ANKRD31: variants seen among roughly 807,000 people sequenced by gnomAD.
ANKRD31 encodes ankyrin repeat domain-containing protein 31.
In ANKRD31, 147 loss-of-function variants were observed where a neutral mutation model predicts 186.0. That is an observed-to-expected ratio of 0.79 (90% confidence interval 0.69 to 0.91). The LOEUF (loss-of-function observed/expected upper bound fraction) is 0.91, where lower values mean the gene tolerates loss of function less well. ANKRD31 is among the 40% of genes least tolerant of loss of function. ANKRD31 has a pLI of 0.00. For missense variants in ANKRD31, 1,986 were observed against 2,148.8 expected, an observed-to-expected ratio of 0.92 and a Z score of 1.50; for synonymous variants, 673 against 736.4, an observed-to-expected ratio of 0.91 and a Z score of 1.39.
intron 22 of ANKRD31, among the ~76,000 whole-genome samples, chr5:75,100,247 T>G (rs1746728184): frequency 6.6e-6 from 1 of 152,234 alleles, no homozygotes; most frequent in Non-Finnish European, 1.5e-5. Flanking sequence ...GTGAGTTTCT[T>G]AATCCTGAGT....
intron 2 of ANKRD31, among the ~76,000 whole-genome samples, chr5:75,227,633 C>T (rs1196296701): frequency 1.3e-5 from 2 of 152,138 alleles, no homozygotes; most frequent in East Asian, 3.9e-4. Context: ...GAAATACATT[C>T]TCAACTAGAA....
At chr5:75,101,771 C>G (rs191346447) in intron 22 of ANKRD31, among the ~76,000 whole-genome samples, 9 of 152,206 alleles carry the variant, frequency 5.9e-5, no homozygotes, top group African/African-American at 1.9e-4. Flanking sequence ...TGGTTTTCAG[C>G]TCCATCAGGT....
Position 75,075,505 on chromosome 5 carries a change from T to G in ANKRD31, c.5647+5063A>C, listed in dbSNP as rs531004941. On this transcript the variant is annotated intron_variant, in intron 25 of 25. Transcript: ENST00000506364. Reference sequence around the variant, plus strand: ...AAACTGAGACTTAAATTTTATCTTCTTGATTTAATAATTCAATTATAATAC... The same window carrying G: ...AAACTGAGACTTAAATTTTATCTTCGTGATTTAATAATTCAATTATAATAC... Among the ~76,000 whole-genome samples, 4 of 152,360 alleles carry G rather than the reference T, an allele frequency of 2.6e-5. No individual in the cohort carries two copies. In the South Asian group the frequency reaches 8.3e-4, roughly 32 times the overall value.
At chr5:75,221,851 T>C (rs1757324156) in intron 3 of ANKRD31, among the ~76,000 whole-genome samples, 1 of 152,220 alleles carries the variant, frequency 6.6e-6, no homozygotes, top group Admixed American at 6.5e-5. Flanking sequence ...TTCTTTTCTC[T>C]ATCTTACTGT....
intron 22 of ANKRD31, among the ~76,000 whole-genome samples, chr5:75,100,147 A>G (rs1580324136): frequency 6.6e-6 from 1 of 152,190 alleles, no homozygotes; most frequent in African/African-American, 2.4e-5. Flanking sequence ...GGTTTCCAAG[A>G]ACTTCTTTAT....
intron 5 of ANKRD31, among the ~76,000 whole-genome samples, chr5:75,203,432 G>A (rs1268703733): frequency 6.6e-6 from 1 of 152,108 alleles, no homozygotes; most frequent in Non-Finnish European, 1.5e-5. Flanking sequence ...GGGAGACCCA[G>A]GTGGGTGGAT....
intron 11 of ANKRD31, among the ~76,000 whole-genome samples, chr5:75,155,757 C>G (rs552779849): frequency 1.3e-5 from 2 of 152,104 alleles, no homozygotes; most frequent in South Asian, 4.2e-4. Flanking sequence ...ATATATATTT[C>G]CTTTTATAAG....
chr5:75,110,249 T>A (rs549552703), intron 20 of ANKRD31, among the ~76,000 whole-genome samples: 1 of 152,254 alleles, frequency 6.6e-6, no homozygotes, highest in Admixed American at 6.5e-5. Flanking sequence ...TTGTATATAT[T>A]TAAACAAAAA....
intron 5 of ANKRD31, among the ~76,000 whole-genome samples, chr5:75,203,535 T>C (rs1312699933): frequency 6.6e-6 from 1 of 151,272 alleles, no homozygotes; most frequent in Non-Finnish European, 1.5e-5. Flanking sequence ...TGGTGGCACG[T>C]GCCTATAATC....
intron 19 of ANKRD31, among the ~76,000 whole-genome samples, chr5:75,115,895 A>C (rs372716947): frequency 7.3e-4 from 111 of 152,200 alleles, no homozygotes; most frequent in Middle Eastern, 3.4e-3. Flanking sequence ...TTGACCCAGC[A>C]ATCCCATTAC....
intron 6 of ANKRD31, 25 bp downstream of exon 6, chr5:75,199,606 G>T: frequency 6.6e-7 from 1 of 1,505,194 alleles, no homozygotes; most frequent in Admixed American, 2.1e-5. Flanking sequence ...AGTCTACATA[G>T]TTAATTTCTG....
intron 10 of ANKRD31, among the ~76,000 whole-genome samples, chr5:75,183,399 A>G (rs1754468336): frequency 6.6e-6 from 1 of 152,158 alleles, no homozygotes; most frequent in Non-Finnish European, 1.5e-5. Flanking sequence ...TTAGTATTAT[A>G]CTGGAAATCC....
At position 75,118,132 on chromosome 5, in the gene ANKRD31, T is replaced by C. The variant is rs964060115; in HGVS notation, c.4039+3A>G. 5 of 1,441,248 alleles carry C rather than the reference T, an allele frequency of 3.5e-6. No individual in the cohort carries two copies. Among genetic ancestry groups the C allele is most frequent in the East Asian group, 5.2e-5 (2 of 38,362 alleles). The allele number at this position is 1,441,248 out of a possible 1,614,324, so 89.3% of individuals were successfully genotyped here. On this transcript the variant is annotated splice_donor_region_variant and intron_variant, in intron 18 of 25. Transcript: ENST00000506364. ...AAAATAGCAGCAATATTGATATACA[T>C]ACCATTGACTATAGCATCACTCTCA...
intron 22 of ANKRD31, among the ~76,000 whole-genome samples, chr5:75,093,176 T>C (rs1036621058): frequency 1.3e-5 from 2 of 152,086 alleles, no homozygotes; most frequent in Non-Finnish European, 2.9e-5. Flanking sequence ...TGAAGAAATA[T>C]ATGCCTAAAA....
At chr5:75,107,031 A>AT (rs1448329426) in intron 21 of ANKRD31, among the ~76,000 whole-genome samples, 3 of 151,858 alleles carry the variant, frequency 2.0e-5, no homozygotes, top group Non-Finnish European at 2.9e-5. Context: ...AACATGTAAC[A>AT]TTTTTTTCAC....
At chr5:75,215,187 C>T (rs1230612844) in intron 3 of ANKRD31, among the ~76,000 whole-genome samples, 1 of 152,178 alleles carries the variant, frequency 6.6e-6, no homozygotes, top group Non-Finnish European at 1.5e-5. Context: ...GTAGAATTCT[C>T]TCTTGCGGGG....
intron 5 of ANKRD31, among the ~76,000 whole-genome samples, chr5:75,203,724 T>A (rs1349774710): frequency 6.7e-6 from 1 of 150,024 alleles, no homozygotes; most frequent in East Asian, 1.9e-4. Context: ...GAAAAAGGAA[T>A]GCCCAGGGCA....
At chr5:75,151,394 G>A (rs962992929) in intron 12 of ANKRD31, among the ~76,000 whole-genome samples, 3 of 152,074 alleles carry the variant, frequency 2.0e-5, no homozygotes, top group South Asian at 2.1e-4. Flanking sequence ...GGAACCCAGC[G>A]GGAGGTAATT....
chr5:75,181,741 G>C (rs1256280046), intron 10 of ANKRD31, among the ~76,000 whole-genome samples: 1 of 126,318 alleles, frequency 7.9e-6, no homozygotes, highest in Admixed American at 8.4e-5. Flanking sequence ...TTGTGGGGTC[G>C]GGGGAGGGGG....
Sources: gnomAD v4.1 joint callset for allele counts (sites outside exome capture counted in the v4.1 genomes callset) on GRCh38, gnomAD v4.1.1 for gene constraint, MANE v1.5 for transcripts, NCBI Gene and HGNC (gene_info 2026-07-23, HGNC 2026-07-21) for gene names.